The following GALNT13 variants were observed in gnomAD, a reference collection of about 807,000 sequenced individuals.
GALNT13 encodes the protein polypeptide N-acetylgalactosaminyltransferase 13.
A neutral mutation model predicts 64.2 loss-of-function variants in GALNT13; 28 were observed. The ratio of observed to expected loss-of-function variants is 0.44; its 90% confidence interval spans 0.32 to 0.60. The LOEUF (loss-of-function observed/expected upper bound fraction) is 0.60. GALNT13 is among the 20% of genes least tolerant of loss of function. GALNT13 has a pLI of 0.05. For synonymous variants in GALNT13, 214 were observed against 224.6 expected (o/e 0.95, Z 0.42); for missense variants, 577 against 669.8 (o/e 0.86, Z 1.53).
In GALNT13 at chr2:154,183,523, C is replaced by T. The variant is rs537671045; in HGVS notation, c.311+43018C>T. Among the ~76,000 whole-genome samples, 4 of 152,054 alleles carry T rather than the reference C, an allele frequency of 2.6e-5. No individual in the cohort carries two copies. The South Asian group carries it at 8.3e-4, about 32-fold the overall frequency. ...CCTGGAAGTTCAAGACAAGCCTGGG[C>T]AACATAGCAAAACCCCACCTCTACA... On this transcript the variant is annotated intron_variant, in intron 4 of 12. Coordinates refer to ENST00000392825, the MANE Select transcript of GALNT13 (RefSeq NM_052917.4).
chr2:153,257,779 A>G, the GALNT13 span, among the ~76,000 whole-genome samples: 98 of 152,290 alleles, frequency 6.4e-4, no homozygotes, highest in Admixed American at 9.8e-4. Context: ...CAATATAGTT[A>G]TTTGTACAAG....
Position 153,895,127 on chromosome 2 carries a change from T to C in GALNT13, c.-176-5809T>C, listed in dbSNP as rs150700438. Among the ~76,000 whole-genome samples the C allele has an allele frequency of 5.4e-3, 819 of 152,136 alleles. 5 individuals are homozygous for C. Among genetic ancestry groups the C allele is most frequent in the African/African-American group, 0.018 (752 of 41,530 alleles). On this transcript the variant is annotated intron_variant, in intron 1 of 12. Coordinates refer to ENST00000392825, the MANE Select transcript of GALNT13 (RefSeq NM_052917.4). The stretch of plus-strand genomic sequence containing the variant: ...GGGAATTAAAAAAGAGGGACTGAAA[T>C]AAGTTGGCTGTGTATGAGAACCATT...
chr2:153,993,592 G>A (rs894763314), intron 3 of GALNT13, among the ~76,000 whole-genome samples: 39 of 151,304 alleles, frequency 2.6e-4, no homozygotes, highest in Non-Finnish European at 4.9e-4. Context: ...AGCTACTCGG[G>A]AGGCTGAGGC....
chr2:153,582,336 T>C, the GALNT13 span, among the ~76,000 whole-genome samples: 1 of 152,150 alleles, frequency 6.6e-6, no homozygotes, highest in Non-Finnish European at 1.5e-5. Context: ...AAGGGATTTT[T>C]TTTTCCATGT....
At chr2:153,425,777 T>G in the GALNT13 span, among the ~76,000 whole-genome samples, 3 of 151,998 alleles carry the variant, frequency 2.0e-5, no homozygotes, top group South Asian at 2.1e-4. Context: ...CTAAAAATTT[T>G]TATTATTTAA....
the GALNT13 span, among the ~76,000 whole-genome samples, chr2:153,251,438 ACT>A: frequency 6.6e-6 from 1 of 151,550 alleles, no homozygotes. Context: ...CAGCTATGAA[ACT>A]CTAACACTCT....
chr2:153,272,758 A>C, the GALNT13 span, among the ~76,000 whole-genome samples: 1 of 152,190 alleles, frequency 6.6e-6, no homozygotes, highest in Non-Finnish European at 1.5e-5. Flanking sequence ...CCACAAGCCC[A>C]TTACTGGGTA....
intron 3 of GALNT13, among the ~76,000 whole-genome samples, chr2:154,091,618 G>A (rs984273380): frequency 2.0e-5 from 3 of 151,552 alleles, no homozygotes; most frequent in Admixed American, 2.0e-4. Context: ...TAGAAATGAA[G>A]GTATTTATCA....
chr2:153,316,104 G>A, the GALNT13 span, among the ~76,000 whole-genome samples: 1 of 150,004 alleles, frequency 6.7e-6, no homozygotes, highest in African/African-American at 2.5e-5. Context: ...TAAAACAAAA[G>A]GACTGAAAAA....
chr2:154,046,103 T>G (rs1045821733), intron 3 of GALNT13, among the ~76,000 whole-genome samples: 15 of 151,454 alleles, frequency 9.9e-5, no homozygotes, highest in African/African-American at 3.6e-4. Context: ...AGACCAGGAG[T>G]TGGAGACCAG....
At chr2:153,215,178 A>G in the GALNT13 span, among the ~76,000 whole-genome samples, 1 of 152,092 alleles carries the variant, frequency 6.6e-6, no homozygotes, top group African/African-American at 2.4e-5. Context: ...TCAGAAATAC[A>G]TAGTAAAAAG....
chr2:153,371,263 C>T, the GALNT13 span, among the ~76,000 whole-genome samples: 1 of 152,156 alleles, frequency 6.6e-6, no homozygotes, highest in Admixed American at 6.5e-5. Flanking sequence ...CGTTTTCCCT[C>T]TAAGTTCTAG....
the GALNT13 span, among the ~76,000 whole-genome samples, chr2:153,669,148 C>T: frequency 2.4e-4 from 37 of 152,270 alleles, no homozygotes; most frequent in Admixed American, 5.9e-4. Context: ...CAGAGAGCTC[C>T]GGCAGAGTGG....
chr2:153,139,181 A>G, the GALNT13 span, among the ~76,000 whole-genome samples: 2 of 152,030 alleles, frequency 1.3e-5, no homozygotes, highest in Non-Finnish European at 2.9e-5. Context: ...AAATGGTGGT[A>G]CTCAAGATTA....
chr2:153,222,826 G>A, the GALNT13 span, among the ~76,000 whole-genome samples: 1 of 152,232 alleles, frequency 6.6e-6, no homozygotes, highest in African/African-American at 2.4e-5. Flanking sequence ...AGAGAGGCCA[G>A]GGAGCAGAAG....
At chr2:153,452,880 A>G in the GALNT13 span, among the ~76,000 whole-genome samples, 1 of 152,200 alleles carries the variant, frequency 6.6e-6, no homozygotes, top group African/African-American at 2.4e-5. Context: ...ACTATACTAT[A>G]AGGCTATAAT....
the GALNT13 span, chr2:153,421,232 G>A: frequency 1.1e-5 from 2 of 181,652 alleles, no homozygotes; most frequent in Non-Finnish European, 2.5e-5. Flanking sequence ...GAGGGTACCA[G>A]GTCGGTCTGG....
chr2:153,635,401 T>TAC, the GALNT13 span, among the ~76,000 whole-genome samples: 61 of 4,148 alleles, frequency 0.015, 1 homozygote, highest in African/African-American at 0.053. Flanking sequence ...TAAATATGTA[T>TAC]ATATATATAT....
At chr2:153,664,963 A>G in the GALNT13 span, among the ~76,000 whole-genome samples, 1 of 152,238 alleles carries the variant, frequency 6.6e-6, no homozygotes, top group African/African-American at 2.4e-5. Context: ...AAACTGGAGT[A>G]CAATTTTATA....
Sources: allele counts gnomAD v4.1 joint callset (sites outside exome capture counted in the v4.1 genomes callset), GRCh38; gene constraint gnomAD v4.1.1; transcripts MANE v1.5; gene names NCBI Gene and HGNC (gene_info 2026-07-23, HGNC 2026-07-21).